Variants in SPON1 observed in about 807,000 individuals in gnomAD.
SPON1 encodes the protein spondin-1.
Under a neutral mutation model 111.7 loss-of-function variants are expected in SPON1, and 52 were observed. That is an observed-to-expected ratio of 0.47 (90% CI 0.37 to 0.59). The LOEUF is 0.59. SPON1 is among the 20% of genes least tolerant of loss of function. The pLI is 0.00. For synonymous variants in SPON1, 410 were observed against 395.8 expected, an observed-to-expected ratio of 1.04 and a Z score of -0.43; for missense variants, 957 against 1,068.5, an observed-to-expected ratio of 0.90 and a Z score of 1.46.
chr11:14,012,723 T>C (rs574679378), intron 2 of SPON1, among the ~76,000 whole-genome samples: 11 of 152,262 alleles, frequency 7.2e-5, no homozygotes, highest in Middle Eastern at 3.4e-3. Flanking sequence ...ATGTCTGCCA[T>C]TGGGGAGAAT....
At chr11:14,209,633 T>C (rs1281621710) in intron 6 of SPON1, among the ~76,000 whole-genome samples, 2 of 152,248 alleles carry the variant, frequency 1.3e-5, no homozygotes, top group African/African-American at 4.8e-5. Context: ...GGTGTATATG[T>C]GCCACATTTT....
intron 2 of SPON1, among the ~76,000 whole-genome samples, chr11:13,996,048 G>C (rs1347828885): frequency 6.6e-6 from 1 of 152,098 alleles, no homozygotes; most frequent in Non-Finnish European, 1.5e-5. Flanking sequence ...AGTGAAGAGT[G>C]TGTGTGAAGA....
chr11:14,014,008 C>G (rs1281462335), intron 2 of SPON1, among the ~76,000 whole-genome samples: 2 of 152,210 alleles, frequency 1.3e-5, no homozygotes, highest in African/African-American at 2.4e-5. Context: ...ATCAGAGAAG[C>G]CTGGTTCTTC....
At chr11:14,099,037 T>C (rs559137638) in intron 5 of SPON1, among the ~76,000 whole-genome samples, 6 of 152,336 alleles carry the variant, frequency 3.9e-5, no homozygotes, top group Admixed American at 3.9e-4. Context: ...ATTGAGACTT[T>C]AAAAGAATTA....
At chr11:14,160,703 A>ATATATT (rs1847919496) in intron 6 of SPON1, among the ~76,000 whole-genome samples, 2 of 15,714 alleles carry the variant, frequency 1.3e-4, no homozygotes, top group African/African-American at 9.3e-4. Flanking sequence ...ATATATTTAT[A>ATATATT]TATATTTATA....
At chr11:14,016,848 T>C (rs1848447608) in intron 2 of SPON1, among the ~76,000 whole-genome samples, 1 of 152,216 alleles carries the variant, frequency 6.6e-6, no homozygotes, top group African/African-American at 2.4e-5. Flanking sequence ...CAACGCTTCC[T>C]GATCACCTAC....
chr11:14,191,885 T>C (rs182935077), intron 6 of SPON1, among the ~76,000 whole-genome samples: 113 of 152,276 alleles, frequency 7.4e-4, no homozygotes, highest in African/African-American at 2.4e-3. Flanking sequence ...ACATTAAACA[T>C]TGACCCCTCT....
At chr11:14,263,053 T>TA (rs34480564) in intron 15 of SPON1, 78 bp downstream of exon 15, 58,006 of 941,596 alleles carry the variant, frequency 0.062, 207 homozygotes, top group African/African-American at 0.08. Flanking sequence ...TGGACCTGTT[T>TA]AAAAAAAAAA....
chr11:14,257,795 G>GCTGTC lies in SPON1; in HGVS notation c.1389_1390insCTGTC (p.Arg464LeufsTer9). ...GCTCCTCCACCTGTGACAAAGGCAA[G>GCTGTC]AGGATGCGACAGCGCATGCTGAAAG... On this transcript the variant is annotated frameshift_variant, in exon 11 of 16. Coordinates refer to ENST00000576479, the MANE Select transcript of SPON1 (RefSeq NM_006108.4). LOFTEE classifies it high-confidence loss of function. 6.2e-7 allele frequency: 1 copy of GCTGTC among 1,612,478 alleles called. No homozygotes were observed. Among genetic ancestry groups the GCTGTC allele is most frequent in the Non-Finnish European group, 8.5e-7 (1 of 1,179,334 alleles).
intron 4 of SPON1, among the ~76,000 whole-genome samples, chr11:14,079,268 C>G (rs1848941942): frequency 6.6e-6 from 1 of 152,128 alleles, no homozygotes; most frequent in Non-Finnish European, 1.5e-5. Context: ...ACTTCTATAC[C>G]CAGAAGTACA....
rs781970381 is a variant in SPON1, at chr11:13,982,969, G to T, written c.345+16G>T. On this transcript the variant is annotated intron_variant, in intron 2 of 15. Coordinates refer to ENST00000576479, the MANE Select transcript of SPON1 (RefSeq NM_006108.4). Reference sequence around the variant, plus strand: ...GACCTTCCAGGTAAGACCCTGCCTGGGCTTATTCAGTGGCCCTCCCTGCCC... The same window carrying T: ...GACCTTCCAGGTAAGACCCTGCCTGTGCTTATTCAGTGGCCCTCCCTGCCC... 2 of 1,512,930 alleles carry T rather than the reference G, an allele frequency of 1.3e-6. No individual in the cohort carries two copies. The highest frequency in any genetic ancestry group is 1.8e-6 in the Non-Finnish European group (2 of 1,111,538). 93.7% of individuals were successfully genotyped at this position (1,512,930 alleles called of 1,614,324 possible). A position where few individuals can be genotyped will look rare whatever the true frequency, so the allele number is the denominator to read the frequency against.
chr11:14,158,789 T>C (rs1847877908), intron 6 of SPON1, among the ~76,000 whole-genome samples: 1 of 152,186 alleles, frequency 6.6e-6, no homozygotes, highest in Admixed American at 6.5e-5. Flanking sequence ...AGCTCGCTTA[T>C]CAGTGTTGCA....
chr11:14,078,472 C>T (rs1848935452), intron 4 of SPON1, among the ~76,000 whole-genome samples: 6 of 151,906 alleles, frequency 3.9e-5, no homozygotes, highest in East Asian at 3.9e-4. Flanking sequence ...TTTTTTTTAG[C>T]GCATCTTTCT....
At chr11:14,224,911 G>A (rs1041318954) in intron 6 of SPON1, among the ~76,000 whole-genome samples, 12 of 152,168 alleles carry the variant, frequency 7.9e-5, no homozygotes, top group African/African-American at 2.9e-4. Flanking sequence ...TGATGGACTG[G>A]GTGCAGGGAG....
chr11:14,066,597 G>T lies in SPON1; in HGVS notation c.480-8748G>T, dbSNP rs931872846. Among the ~76,000 whole-genome samples, 3 of 152,108 alleles carry T rather than the reference G, an allele frequency of 2.0e-5. No individual in the cohort carries two copies. In the South Asian group the frequency reaches 6.2e-4, roughly 32 times the overall value. ...CCAGCAGGTACCCCTAAGGATTTCC[G>T]CTCTTTCCTGAGCTTCACCTTACAG... On this transcript the variant is annotated intron_variant, in intron 3 of 15. Coordinates refer to ENST00000576479, the MANE Select transcript of SPON1 (RefSeq NM_006108.4).
intron 6 of SPON1, among the ~76,000 whole-genome samples, chr11:14,146,762 A>G (rs61335557): frequency 3.1e-3 from 471 of 152,312 alleles, no homozygotes; most frequent in African/African-American, 0.01. Flanking sequence ...TACACAGATC[A>G]ATAGAATCTA....
At position 14,259,960 on chromosome 11, in the gene SPON1, C is replaced by T. The variant is rs1849154161; in HGVS notation, c.1831+259C>T. The stretch of plus-strand genomic sequence containing the variant: ...ACTGGTGGCCTCTGGATAGAGAATT[C>T]ACCTGCAGCTGTGTTTTATAGGAGT... On this transcript the variant is annotated intron_variant, in intron 13 of 15. Coordinates refer to ENST00000576479, the MANE Select transcript of SPON1 (RefSeq NM_006108.4). The surrounding 1 kb of genome is among the most constrained non-coding windows in gnomAD (Gnocchi z 5.0). 6.6e-6 allele frequency among the ~76,000 whole-genome samples: 1 copy of T among 152,202 alleles called. No individual in the cohort carries two copies. The highest frequency in any genetic ancestry group is 2.1e-4 in the South Asian group (1 of 4,830).
At chr11:14,096,304 A>G (rs144089025) in intron 5 of SPON1, among the ~76,000 whole-genome samples, 6 of 152,282 alleles carry the variant, frequency 3.9e-5, no homozygotes, top group Non-Finnish European at 8.8e-5. Flanking sequence ...CAAAGATAAC[A>G]CTAGATGAAT....
At chr11:14,113,397 C>T (rs1355580527) in intron 5 of SPON1, among the ~76,000 whole-genome samples, 2 of 152,062 alleles carry the variant, frequency 1.3e-5, no homozygotes, top group Non-Finnish European at 2.9e-5. Context: ...CAGCTGCCAG[C>T]ATGTGATGGA....
Sources: gnomAD v4.1 joint callset for allele counts (sites outside exome capture counted in the v4.1 genomes callset) on GRCh38, gnomAD v4.1.1 for gene constraint, Gnocchi (gnomAD v3.1) non-coding constraint, MANE v1.5 for transcripts, NCBI Gene and HGNC (gene_info 2026-07-23, HGNC 2026-07-21) for gene names.